The following AGTPBP1 variants were observed in gnomAD, a reference collection of about 807,000 sequenced individuals.
AGTPBP1 encodes cytosolic carboxypeptidase 1.
A neutral mutation model predicts 143.9 loss-of-function variants in AGTPBP1; 70 were observed. The ratio of observed to expected loss-of-function variants is 0.49; its 90% CI spans 0.40 to 0.59. AGTPBP1 has a LOEUF of 0.59. Among genes scored for constraint, AGTPBP1 ranks in the 20% least tolerant of loss-of-function variants. AGTPBP1 has a pLI of 0.00. For synonymous variants in AGTPBP1, 463 were observed against 500.2 expected (o/e 0.93, Z 0.99); for missense variants, 1,229 against 1,464.5 (o/e 0.84, Z 2.62).
chr9:85,660,567 A>C (rs1204719931), intron 9 of AGTPBP1, among the ~76,000 whole-genome samples: 1 of 152,150 alleles, frequency 6.6e-6, no homozygotes, highest in Non-Finnish European at 1.5e-5. Flanking sequence ...AATCAGAGAC[A>C]GTAGTTGTTA....
intron 14 of AGTPBP1, among the ~76,000 whole-genome samples, chr9:85,623,437 T>C (rs1216674609): frequency 2.6e-5 from 4 of 152,090 alleles, no homozygotes; most frequent in Non-Finnish European, 5.9e-5. Context: ...AGGGGAATCT[T>C]TGCCCTGCCC....
At chr9:85,556,976 A>T (rs1421816154) in intron 25 of AGTPBP1, among the ~76,000 whole-genome samples, 2 of 152,188 alleles carry the variant, frequency 1.3e-5, no homozygotes, top group Non-Finnish European at 2.9e-5. Context: ...GAATATATGG[A>T]ATCCTACAAC....
chr9:85,639,785 G>A (rs2133795625), intron 13 of AGTPBP1, among the ~76,000 whole-genome samples: 1 of 152,272 alleles, frequency 6.6e-6, no homozygotes, highest in East Asian at 1.9e-4. Flanking sequence ...TCATTATTCT[G>A]CCATCAAGAA....
intron 13 of AGTPBP1, among the ~76,000 whole-genome samples, chr9:85,634,875 G>A (rs1207274515): frequency 6.6e-6 from 1 of 152,064 alleles, no homozygotes; most frequent in Non-Finnish European, 1.5e-5. Flanking sequence ...TTGTATTAAT[G>A]TATATTCCCA....
intron 8 of AGTPBP1, among the ~76,000 whole-genome samples, chr9:85,669,005 GTGTA>G (rs1564124897): frequency 4.1e-5 from 3 of 72,598 alleles, no homozygotes; most frequent in Admixed American, 1.5e-4. Context: ...GTGTGTGTGT[GTGTA>G]TACATACACA....
At chr9:85,571,945 C>T (rs1166838895) in intron 25 of AGTPBP1, among the ~76,000 whole-genome samples, 2 of 144,144 alleles carry the variant, frequency 1.4e-5, no homozygotes, top group African/African-American at 2.5e-5. Context: ...GAAAGAGCTA[C>T]AGTAAAATCT....
intron 1 of AGTPBP1, among the ~76,000 whole-genome samples, chr9:85,727,712 C>A (rs1482426247): frequency 1.3e-5 from 2 of 152,062 alleles, no homozygotes; most frequent in African/African-American, 4.8e-5. Context: ...CTCTGCCAGG[C>A]CTTAGAGAAA....
chr9:85,741,134 C>G, intron 1 of AGTPBP1: 1 of 817,408 alleles, frequency 1.2e-6, no homozygotes, highest in Non-Finnish European at 1.5e-6. Flanking sequence ...AAACTCTGCA[C>G]TGTCATCCAG....
chr9:85,700,183 C>A (rs1011287520), intron 2 of AGTPBP1, among the ~76,000 whole-genome samples: 2 of 152,206 alleles, frequency 1.3e-5, no homozygotes, highest in Non-Finnish European at 2.9e-5. Context: ...CCTCTAAGGT[C>A]CACAGCTAAC....
chr9:85,672,018 T>G (rs1417929967), intron 7 of AGTPBP1, among the ~76,000 whole-genome samples: 2 of 152,064 alleles, frequency 1.3e-5, no homozygotes, highest in Non-Finnish European at 2.9e-5. Context: ...CTCACTCCTA[T>G]CCTTTATAAA....
chr9:85,652,365 A>C (rs1281636244), intron 11 of AGTPBP1, among the ~76,000 whole-genome samples: 2 of 152,106 alleles, frequency 1.3e-5, no homozygotes, highest in East Asian at 3.9e-4. Flanking sequence ...CATAAAAATT[A>C]GCTGGGCGTG....
At chr9:85,670,698 T>C (rs1439743591) in intron 7 of AGTPBP1, among the ~76,000 whole-genome samples, 1 of 152,162 alleles carries the variant, frequency 6.6e-6, no homozygotes, top group African/African-American at 2.4e-5. Context: ...ACCCTGTCTC[T>C]AAAAGAAAAT....
At chr9:85,748,639 T>C in the AGTPBP1 span, among the ~76,000 whole-genome samples, 1 of 152,256 alleles carries the variant, frequency 6.6e-6, no homozygotes, top group Non-Finnish European at 1.5e-5. Flanking sequence ...TGCTAGAAGT[T>C]TGGGCATCAT....
intron 3 of AGTPBP1, among the ~76,000 whole-genome samples, chr9:85,683,770 T>C (rs978259132): frequency 3.3e-5 from 5 of 152,178 alleles, no homozygotes; most frequent in Non-Finnish European, 5.9e-5. Flanking sequence ...CCTAATCTTC[T>C]ACTTATGGCC....
At position 85,702,660 on chromosome 9, in the gene AGTPBP1, T is replaced by TC. The variant is rs529250871; in HGVS notation, c.32+9841_32+9842insG. Reference sequence around the variant, plus strand: ...GGTAACGACTCTCTGTCTCTCTCTCTTTTTTTTTTTTAACAGTACCTTTTA... The same window carrying TC: ...GGTAACGACTCTCTGTCTCTCTCTCTCTTTTTTTTTTTAACAGTACCTTTTA... On this transcript the variant is annotated intron_variant, in intron 2 of 25. Transcript: ENST00000357081. Among the ~76,000 whole-genome samples, 33 of 132,018 alleles carry TC rather than the reference T, an allele frequency of 2.5e-4. 1 individual carries two copies. Among genetic ancestry groups the TC allele is most frequent in the South Asian group, 1.3e-3 (6 of 4,516 alleles). The allele number at this position is 132,018 out of a possible 152,430, so 86.6% of individuals were successfully genotyped here. A position where few individuals can be genotyped will look rare whatever the true frequency, so the allele number is the denominator to read the frequency against.
the AGTPBP1 span, among the ~76,000 whole-genome samples, chr9:85,764,365 G>C: frequency 1.4e-3 from 208 of 149,894 alleles, no homozygotes; most frequent in East Asian, 0.015. Flanking sequence ...CCCATCTCTA[G>C]TAAAAATACA....
In AGTPBP1 at chr9:85,643,152, T is replaced by C. The variant is rs1832603294; in HGVS notation, c.1186-209A>G. 7 of 523,432 alleles carry C rather than the reference T, an allele frequency of 1.3e-5. No individual in the cohort carries two copies. In the South Asian group the frequency reaches 1.5e-4, roughly 11 times the overall value. The allele number at this position is 523,432 out of a possible 1,614,324, so 32.4% of individuals were successfully genotyped here. A position where few individuals can be genotyped will look rare whatever the true frequency, so the allele number is the denominator to read the frequency against. On this transcript the variant is annotated intron_variant, in intron 12 of 25. Transcript: ENST00000357081. Reference sequence around the variant, plus strand: ...ATTGTTGGGTAGTTTTGTTTTGTTTTTGTCATGGTTACTCTAATATAACAG... The same window carrying C: ...ATTGTTGGGTAGTTTTGTTTTGTTTCTGTCATGGTTACTCTAATATAACAG...
rs560680644 is a variant in AGTPBP1 at position 85,739,894 on chromosome 9, T to A, written c.-34+1881A>T. On this transcript the variant is annotated intron_variant, in intron 1 of 25. Coordinates refer to ENST00000357081, the MANE Select transcript of AGTPBP1 (RefSeq NM_001330701.2). ...TAGGCGTGGTGACGCGCGCCTATAA[T>A]CAAGAAGCTGAGGCGGGAGAATCGC... Among the ~76,000 whole-genome samples the A allele has an allele frequency of 3.7e-4, 56 of 150,436 alleles. 1 individual carries two copies. Among genetic ancestry groups the A allele is most frequent in the African/African-American group, 1.3e-3 (55 of 40,798 alleles).
chr9:85,610,745 T>C (rs1830265237), intron 17 of AGTPBP1, among the ~76,000 whole-genome samples: 1 of 152,172 alleles, frequency 6.6e-6, no homozygotes, highest in African/African-American at 2.4e-5. Context: ...GATGAAGAAG[T>C]TTCCACTGCA....
Sources: gnomAD v4.1 joint callset for allele counts (sites outside exome capture counted in the v4.1 genomes callset) on GRCh38, gnomAD v4.1.1 for gene constraint, MANE v1.5 for transcripts, NCBI Gene and HGNC (gene_info 2026-07-23, HGNC 2026-07-21) for gene names.